PCDHA3: variants seen among roughly 807,000 people sequenced by gnomAD.
PCDHA3 encodes the protein protocadherin alpha-3.
PCDHA3 carries 41 observed loss-of-function variants against 62.2 expected under a neutral mutation model. The observed-to-expected ratio is 0.66, with a 90% CI of 0.51 to 0.86. The LOEUF (loss-of-function observed/expected upper bound fraction) is 0.86. Among genes scored for constraint, PCDHA3 ranks in the 40% least tolerant of loss-of-function variants. PCDHA3 has a pLI of 0.00. For missense variants in PCDHA3, 1,304 were observed against 1,241.2 expected (o/e 1.05, Z -0.76); for synonymous variants, 640 against 555.4 (o/e 1.15, Z -2.14).
At chr5:140,852,683 T>C (rs2042437090) in intron 1 of PCDHA3, 5 of 971,736 alleles carry the variant, frequency 5.1e-6, no homozygotes, top group Non-Finnish European at 6.2e-6. Flanking sequence ...ACCTTGAATA[T>C]AGTCTTATAC....
chr5:140,839,671 C>G (rs1194956449), intron 1 of PCDHA3, among the ~76,000 whole-genome samples: 1 of 152,028 alleles, frequency 6.6e-6, no homozygotes, highest in African/African-American at 2.4e-5. Context: ...TATTTAGAGT[C>G]AACTACAGAG....
At chr5:140,909,872 G>A (rs1245615872) in intron 1 of PCDHA3, among the ~76,000 whole-genome samples, 2 of 152,182 alleles carry the variant, frequency 1.3e-5, no homozygotes, top group African/African-American at 4.8e-5. Flanking sequence ...GTCAACGTCA[G>A]CTTAGAGACA....
intron 1 of PCDHA3, among the ~76,000 whole-genome samples, chr5:140,888,878 T>G (rs1280508372): frequency 6.6e-6 from 1 of 152,132 alleles, no homozygotes; most frequent in African/African-American, 2.4e-5. Flanking sequence ...ACATAAAAAT[T>G]AAAACATTAG....
intron 1 of PCDHA3, among the ~76,000 whole-genome samples, chr5:140,904,496 A>G (rs1174844806): frequency 1.3e-5 from 2 of 151,832 alleles, no homozygotes; most frequent in Non-Finnish European, 2.9e-5. Context: ...CCAAATTTTT[A>G]CAATTGTGAA....
At chr5:140,970,597 TA>T (rs2096419556) in intron 1 of PCDHA3, among the ~76,000 whole-genome samples, 4 of 152,198 alleles carry the variant, frequency 2.6e-5, no homozygotes, top group Non-Finnish European at 5.9e-5. Context: ...TGCTTTGTGA[TA>T]CTTAAAACTT....
chr5:140,942,540 G>T (rs1013086382), intron 1 of PCDHA3, among the ~76,000 whole-genome samples: 52 of 152,164 alleles, frequency 3.4e-4, no homozygotes, highest in African/African-American at 1.1e-3. Flanking sequence ...TCAGTATGGT[G>T]GGGGGTAGGG....
At chr5:140,875,837 A>T in intron 1 of PCDHA3, 1 of 1,614,140 alleles carries the variant, frequency 6.2e-7, no homozygotes, top group Non-Finnish European at 8.5e-7. Context: ...GTGGACGTGG[A>T]GGTGAAGGAC....
At chr5:140,907,430 T>G (rs1554192988) in intron 1 of PCDHA3, among the ~76,000 whole-genome samples, 1 of 152,244 alleles carries the variant, frequency 6.6e-6, no homozygotes, top group Non-Finnish European at 1.5e-5. Context: ...TAAGGCATTC[T>G]GTGAGTCCAC....
chr5:140,830,763 A>T, intron 1 of PCDHA3: 1 of 176,090 alleles, frequency 5.7e-6, no homozygotes, highest in Non-Finnish European at 1.2e-5. Context: ...TTTAATTCAG[A>T]ATCATAGTAG....
chr5:140,875,854 G>C, intron 1 of PCDHA3: 1 of 1,614,160 alleles, frequency 6.2e-7, no homozygotes. Context: ...GGACATTAAC[G>C]ACAACCCGCC....
At chr5:140,877,801 C>T in intron 1 of PCDHA3, 1 of 1,613,416 alleles carries the variant, frequency 6.2e-7, no homozygotes, top group South Asian at 1.1e-5. Context: ...CCCAAGCCTT[C>T]AGCTGTCTCG....
At chr5:140,912,806 T>TA (rs1378576653) in intron 1 of PCDHA3, among the ~76,000 whole-genome samples, 2 of 152,232 alleles carry the variant, frequency 1.3e-5, no homozygotes, top group African/African-American at 4.8e-5. Context: ...TGAGGGTTTT[T>TA]ATCATAAAGG....
chr5:140,918,238 T>A (rs1486197237), intron 1 of PCDHA3, among the ~76,000 whole-genome samples: 3 of 152,176 alleles, frequency 2.0e-5, no homozygotes, highest in African/African-American at 7.2e-5. Context: ...GTACATTGAT[T>A]TTGTATGCTG....
intron 3 of PCDHA3, among the ~76,000 whole-genome samples, chr5:140,992,953 C>G (rs1377524442): frequency 5.9e-5 from 9 of 152,172 alleles, no homozygotes; most frequent in African/African-American, 2.2e-4. Flanking sequence ...ATTAAATCAC[C>G]CCTTATACTG....
At chr5:140,967,809 A>G in intron 1 of PCDHA3, 1 of 1,614,190 alleles carries the variant, frequency 6.2e-7, no homozygotes. Flanking sequence ...ATGGCAGGTC[A>G]CTGCAAGGTG....
chr5:140,824,904 GT>G (rs1353981890), intron 1 of PCDHA3: 6 of 152,018 alleles, frequency 3.9e-5, no homozygotes, highest in Non-Finnish European at 7.4e-5. Flanking sequence ...TGCCTAAGCA[GT>G]TCACCTGTAT....
intron 1 of PCDHA3, chr5:140,863,338 C>T (rs1297413635): frequency 1.3e-5 from 18 of 1,361,566 alleles, no homozygotes; most frequent in Non-Finnish European, 1.8e-5. Flanking sequence ...GCTCACGTTG[C>T]TGCTGTACAC....
intron 1 of PCDHA3, chr5:140,858,585 T>G: frequency 7.4e-7 from 1 of 1,345,266 alleles, no homozygotes. Flanking sequence ...GTAATATAAT[T>G]TATTCCAGGA....
chr5:140,990,760 G>A (rs2097413418), intron 3 of PCDHA3, among the ~76,000 whole-genome samples: 1 of 152,182 alleles, frequency 6.6e-6, no homozygotes, highest in Non-Finnish European at 1.5e-5. Context: ...CTTTGAGCCT[G>A]TAAATTTGGC....
Sources: allele counts gnomAD v4.1 joint callset (sites outside exome capture counted in the v4.1 genomes callset), GRCh38; gene constraint gnomAD v4.1.1; transcripts MANE v1.5; gene names NCBI Gene and HGNC (gene_info 2026-07-23, HGNC 2026-07-21).